Variants in ADCK1 observed in about 807,000 individuals in gnomAD.
ADCK1 encodes the protein aarF domain containing kinase 1, also known as aarF domain-containing protein kinase 1.
ADCK1 carries 41 observed loss-of-function variants against 52.3 expected under a neutral mutation model. The observed-to-expected ratio is 0.78, with a 90% CI of 0.61 to 1.02. The LOEUF (loss-of-function observed/expected upper bound fraction) is 1.02. ADCK1 is among the 50% of genes least tolerant of loss of function. ADCK1 has a pLI of 0.00. For missense variants in ADCK1, 658 were observed against 679.5 expected, an observed-to-expected ratio of 0.97 and a Z score of 0.35; for synonymous variants, 250 against 274.6, an observed-to-expected ratio of 0.91 and a Z score of 0.89.
intron 3 of ADCK1, among the ~76,000 whole-genome samples, chr14:77,855,858 A>G (rs2082406183): frequency 1.3e-5 from 2 of 152,192 alleles, no homozygotes; most frequent in Non-Finnish European, 2.9e-5. Flanking sequence ...CTGAAAAGGG[A>G]TGATAAAAAA....
chr14:77,852,502 G>T (rs578028082), intron 3 of ADCK1, among the ~76,000 whole-genome samples: 150 of 151,002 alleles, frequency 9.9e-4, no homozygotes, highest in Non-Finnish European at 1.6e-3. Context: ...TCTTCTGTCT[G>T]TATCTTTTTT....
intron 5 of ADCK1, among the ~76,000 whole-genome samples, chr14:77,892,881 CT>C (rs1304721126): frequency 2.6e-5 from 4 of 152,120 alleles, no homozygotes; most frequent in African/African-American, 9.7e-5. Flanking sequence ...ATAGCATGTA[CT>C]ACCCTAGAGT....
chr14:77,813,047 G>T (rs964972272), intron 1 of ADCK1, among the ~76,000 whole-genome samples: 1 of 152,052 alleles, frequency 6.6e-6, no homozygotes, highest in Non-Finnish European at 1.5e-5. Flanking sequence ...TTGTTGCCCA[G>T]GCTGGAGTGC....
chr14:77,810,676 G>A (rs560005881), intron 1 of ADCK1, among the ~76,000 whole-genome samples: 12 of 151,954 alleles, frequency 7.9e-5, no homozygotes, highest in East Asian at 3.9e-4. Flanking sequence ...GACTACAGGC[G>A]CCCCCCATCA....
At chr14:77,817,381 G>A (rs2081478423) in intron 1 of ADCK1, among the ~76,000 whole-genome samples, 1 of 152,230 alleles carries the variant, frequency 6.6e-6, no homozygotes, top group Non-Finnish European at 1.5e-5. Context: ...CAAGGCTGGT[G>A]CCTGCAAGTG....
intron 3 of ADCK1, among the ~76,000 whole-genome samples, chr14:77,830,012 TAGGTAAC>T (rs1413943085): frequency 1.3e-5 from 2 of 151,272 alleles, no homozygotes; most frequent in African/African-American, 4.8e-5. Context: ...GGATTAGAGC[TAGGTAAC>T]AGAGGGACTC....
Position 77,819,164 on chromosome 14 carries a change from G to A in ADCK1, c.135+51G>A, listed in dbSNP as rs370908487. On this transcript the variant is annotated intron_variant, in intron 2 of 10. Transcript: ENST00000238561. ...CAGAGAAGCTGCAGGATTACTTGCA[G>A]GTGTTCATACATGTAGCAGATAGAC... 10 of 1,609,950 alleles carry A rather than the reference G, an allele frequency of 6.2e-6. No individual in the cohort carries two copies. The African/African-American group carries it at 1.2e-4, about 19-fold the overall frequency.
intron 6 of ADCK1, among the ~76,000 whole-genome samples, chr14:77,904,487 G>A (rs1358374695): frequency 6.6e-6 from 1 of 152,246 alleles, no homozygotes; most frequent in Non-Finnish European, 1.5e-5. Context: ...CAGGAGGACT[G>A]TGGGCCTAGG....
At chr14:77,875,115 A>G (rs1338576625) in intron 4 of ADCK1, among the ~76,000 whole-genome samples, 1 of 152,116 alleles carries the variant, frequency 6.6e-6, no homozygotes, top group Non-Finnish European at 1.5e-5. Flanking sequence ...AAGACCAGTT[A>G]TGGGGCAGTT....
chr14:77,916,569 C>G (rs1199773073), intron 7 of ADCK1, among the ~76,000 whole-genome samples: 1 of 152,158 alleles, frequency 6.6e-6, no homozygotes, highest in African/African-American at 2.4e-5. Flanking sequence ...ATCTTCCCAC[C>G]CCAGCCTCTG....
At chr14:77,849,588 C>T (rs1020216991) in intron 3 of ADCK1, among the ~76,000 whole-genome samples, 3 of 152,030 alleles carry the variant, frequency 2.0e-5, no homozygotes, top group Admixed American at 6.6e-5. Context: ...GGACTACAGG[C>T]ATATGCCACC....
At chr14:77,851,055 C>T (rs1018739276) in intron 3 of ADCK1, among the ~76,000 whole-genome samples, 18 of 151,890 alleles carry the variant, frequency 1.2e-4, no homozygotes, top group South Asian at 2.1e-4. Flanking sequence ...GCATCAACTC[C>T]GTACATTTAA....
chr14:77,819,053 T>A lies in ADCK1; in HGVS notation c.75T>A (p.Ser25Arg), dbSNP rs2081524816. Residue 25 changes from serine (S) to arginine (R), a missense_variant, in exon 2 of 11, where the codon AGT becomes AGA. Physicochemically the swap from Ser to Arg is moderately radical, Grantham distance 110. Coordinates refer to ENST00000238561, the MANE Select transcript of ADCK1 (RefSeq NM_020421.4). ...ALAASGIYFYSNKYLDPNDFG... is the reference protein window; with the variant it reads ...ALAASGIYFYRNKYLDPNDFG... ...CTGCCTCTGGCATCTACTTCTACAG[T>A]AACAAGTACTTGGACCCTAATGACT... The A allele has an allele frequency of 1.2e-6, 2 of 1,614,114 alleles. No individual in the cohort carries two copies. Among genetic ancestry groups the A allele is most frequent in the African/African-American group, 2.7e-5 (2 of 74,946 alleles).
chr14:77,825,922 G>A (rs1294730033), intron 3 of ADCK1, among the ~76,000 whole-genome samples: 1 of 152,134 alleles, frequency 6.6e-6, no homozygotes, highest in East Asian at 1.9e-4. Context: ...AACATTCTAC[G>A]GAGAGCTTGC....
chr14:77,827,021 G>A (rs114514200), intron 3 of ADCK1, among the ~76,000 whole-genome samples: 1,746 of 152,198 alleles, frequency 0.011, 32 homozygotes, highest in African/African-American at 0.04. Context: ...CCACCATGAG[G>A]GGAAAGCCTG....
In ADCK1 at chr14:77,844,527, C is replaced by A. The variant is rs903478936; in HGVS notation, c.220-14549C>A. ...GGTCTTAGCTCTCCCCCCTGTTGGA[C>A]TCCCTTAGAGAGGCAGTGTGGGGAG... On this transcript the variant is annotated intron_variant, in intron 3 of 10. Transcript: ENST00000238561. Among the ~76,000 whole-genome samples the A allele has an allele frequency of 3.3e-5, 5 of 152,190 alleles. No individual in the cohort carries two copies. In the East Asian group the frequency reaches 9.6e-4, roughly 29 times the overall value.
chr14:77,814,826 G>A (rs2081410161), intron 1 of ADCK1, among the ~76,000 whole-genome samples: 1 of 151,486 alleles, frequency 6.6e-6, no homozygotes, highest in Non-Finnish European at 1.5e-5. Flanking sequence ...TGGTAGTTCG[G>A]TGGCCCATGG....
chr14:77,801,397 AT>A (rs1372698048), intron 1 of ADCK1, among the ~76,000 whole-genome samples: 1 of 152,196 alleles, frequency 6.6e-6, no homozygotes, highest in Non-Finnish European at 1.5e-5. Flanking sequence ...TTTTTTGGTG[AT>A]TGTAAATATG....
chr14:77,849,108 G>A (rs371805845), intron 3 of ADCK1, among the ~76,000 whole-genome samples: 10 of 152,078 alleles, frequency 6.6e-5, no homozygotes, highest in East Asian at 5.8e-4. Flanking sequence ...GATTATAGGC[G>A]TGAGCCACCG....
Sources: gnomAD v4.1 joint callset for allele counts (sites outside exome capture counted in the v4.1 genomes callset) on GRCh38, gnomAD v4.1.1 for gene constraint, MANE v1.5 for transcripts, NCBI Gene and HGNC (gene_info 2026-07-23, HGNC 2026-07-21) for gene names.